LRRTM4: variants seen among roughly 807,000 people sequenced by gnomAD.
The protein encoded by LRRTM4 is leucine-rich repeat transmembrane neuronal protein 4.
In LRRTM4, 25 loss-of-function variants were observed where a neutral mutation model predicts 47.6. The ratio of observed to expected loss-of-function variants is 0.53; its 90% CI spans 0.38 to 0.73. LRRTM4 has a LOEUF of 0.73. Ranked by LOEUF, LRRTM4 falls within the 30% of genes least tolerant of loss-of-function variation. LRRTM4 has a pLI of 0.00. For synonymous variants in LRRTM4, 311 were observed against 269.5 expected (o/e 1.15, Z -1.51); for missense variants, 638 against 713.4 (o/e 0.89, Z 1.20).
intron 3 of LRRTM4, among the ~76,000 whole-genome samples, chr2:77,245,036 T>G (rs1413623919): frequency 1.2e-4 from 18 of 152,206 alleles, no homozygotes; most frequent in Admixed American, 7.8e-4. Context: ...CCACCTAAAG[T>G]ATAGGATTAT....
At chr2:77,502,807 A>G (rs1678622516) in intron 3 of LRRTM4, among the ~76,000 whole-genome samples, 1 of 151,644 alleles carries the variant, frequency 6.6e-6, no homozygotes, top group Admixed American at 6.6e-5. Flanking sequence ...TGGTTTGACT[A>G]TACAAGGATT....
chr2:77,331,838 G>A (rs988153453), intron 3 of LRRTM4, among the ~76,000 whole-genome samples: 3 of 151,940 alleles, frequency 2.0e-5, no homozygotes, highest in East Asian at 3.9e-4. Flanking sequence ...CCAATCCTTC[G>A]TGTTAAGCCC....
At chr2:77,427,406 T>C (rs1433293528) in intron 3 of LRRTM4, among the ~76,000 whole-genome samples, 1 of 152,254 alleles carries the variant, frequency 6.6e-6, no homozygotes, top group Non-Finnish European at 1.5e-5. Context: ...ACATTAATTC[T>C]ACTTTTATGT....
intron 3 of LRRTM4, among the ~76,000 whole-genome samples, chr2:77,044,064 AAAAT>A (rs974263049): frequency 2.0e-5 from 3 of 151,662 alleles, no homozygotes; most frequent in Admixed American, 6.6e-5. Flanking sequence ...CTTCCAAATA[AAAAT>A]AAATAAAGAC....
At chr2:76,803,332 T>C (rs544853295) in intron 3 of LRRTM4, among the ~76,000 whole-genome samples, 2 of 152,186 alleles carry the variant, frequency 1.3e-5, no homozygotes, top group South Asian at 2.1e-4. Flanking sequence ...AATAGCCAAT[T>C]AATATATGCA....
intron 3 of LRRTM4, among the ~76,000 whole-genome samples, chr2:77,330,946 T>C (rs1232985006): frequency 6.6e-6 from 1 of 152,198 alleles, no homozygotes; most frequent in African/African-American, 2.4e-5. Context: ...TTATCCATTA[T>C]AAAATAAAGC....
intron 3 of LRRTM4, among the ~76,000 whole-genome samples, chr2:77,049,834 CTTT>C (rs946813913): frequency 6.6e-6 from 1 of 151,820 alleles, no homozygotes; most frequent in Admixed American, 6.6e-5. Flanking sequence ...GTTGCCTGTG[CTTT>C]TTGAGATCTT....
At chr2:77,019,559 C>T (rs905737265) in intron 3 of LRRTM4, among the ~76,000 whole-genome samples, 2 of 152,014 alleles carry the variant, frequency 1.3e-5, no homozygotes, top group East Asian at 1.9e-4. Flanking sequence ...AAATTTAAAT[C>T]CTTAGCACAA....
intron 3 of LRRTM4, among the ~76,000 whole-genome samples, chr2:76,889,772 G>T (rs927279983): frequency 2.6e-5 from 4 of 151,796 alleles, no homozygotes; most frequent in African/African-American, 7.3e-5. Flanking sequence ...TTCTTTTGTA[G>T]TTTTTTCATA....
At chr2:77,404,295 C>A (rs1674079586) in intron 3 of LRRTM4, among the ~76,000 whole-genome samples, 1 of 152,028 alleles carries the variant, frequency 6.6e-6, no homozygotes, top group Non-Finnish European at 1.5e-5. Context: ...GGAAAAAGCA[C>A]ACTCTTCTGT....
intron 3 of LRRTM4, among the ~76,000 whole-genome samples, chr2:77,028,494 CT>C (rs1678531201): frequency 6.6e-6 from 1 of 151,964 alleles, no homozygotes; most frequent in Non-Finnish European, 1.5e-5. Flanking sequence ...AAAAATTTCA[CT>C]TGAAAACTGG....
At chr2:76,858,173 G>A (rs1357393438) in intron 3 of LRRTM4, among the ~76,000 whole-genome samples, 5 of 152,128 alleles carry the variant, frequency 3.3e-5, no homozygotes, top group Non-Finnish European at 7.3e-5. Context: ...TTTCTATAGG[G>A]TGTTTTTGGA....
chr2:76,854,529 CA>C lies in LRRTM4; in HGVS notation c.1552-105614del, dbSNP rs34574859. On this transcript the variant is annotated intron_variant, in intron 3 of 3. Transcript: ENST00000409884. ...GTGAACATAAATTACTCTCTGAGGG[CA>C]AAAAACAAACAAACAAACAAAAATC... is the stretch of plus-strand genomic sequence containing the variant. Among the ~76,000 whole-genome samples the C allele has an allele frequency of 2.1e-3, 326 of 152,010 alleles. 1 individual carries two copies. Among genetic ancestry groups the C allele is most frequent in the African/African-American group, 7.6e-3 (317 of 41,484 alleles).
intron 3 of LRRTM4, among the ~76,000 whole-genome samples, chr2:77,291,231 G>A (rs958778281): frequency 6.6e-6 from 1 of 151,950 alleles, no homozygotes; most frequent in Non-Finnish European, 1.5e-5. Flanking sequence ...CATCTTGGGG[G>A]TTAATAAAAA....
intron 3 of LRRTM4, among the ~76,000 whole-genome samples, chr2:77,260,384 T>TGC (rs1434491118): frequency 6.8e-6 from 1 of 147,800 alleles, no homozygotes; most frequent in Non-Finnish European, 1.5e-5. Flanking sequence ...CGTGTGTGTG[T>TGC]GTGTGTGTGT....
At chr2:77,007,659 A>G (rs1677706504) in intron 3 of LRRTM4, among the ~76,000 whole-genome samples, 1 of 152,190 alleles carries the variant, frequency 6.6e-6, no homozygotes, top group Non-Finnish European at 1.5e-5. Context: ...TTTGCAAGTA[A>G]ATCTCACCAT....
chr2:76,906,100 G>T (rs1444040910), intron 3 of LRRTM4, among the ~76,000 whole-genome samples: 2 of 152,162 alleles, frequency 1.3e-5, no homozygotes, highest in Non-Finnish European at 2.9e-5. Flanking sequence ...CAGAGAGAAA[G>T]GTCGGGTTAC....
chr2:77,116,724 A>AT (rs1362793131), intron 3 of LRRTM4, among the ~76,000 whole-genome samples: 1 of 151,652 alleles, frequency 6.6e-6, no homozygotes, highest in Non-Finnish European at 1.5e-5. Context: ...ATTTTTTTCC[A>AT]TTTTTTCCCA....
intron 3 of LRRTM4, among the ~76,000 whole-genome samples, chr2:77,469,485 T>C (rs990647325): frequency 1.3e-5 from 2 of 152,076 alleles, no homozygotes; most frequent in Non-Finnish European, 2.9e-5. Context: ...TGCCAAGAAA[T>C]AGATGGGAAT....
Sources: allele counts gnomAD v4.1 joint callset (sites outside exome capture counted in the v4.1 genomes callset), GRCh38; gene constraint gnomAD v4.1.1; transcripts MANE v1.5; gene names NCBI Gene and HGNC (gene_info 2026-07-23, HGNC 2026-07-21).